Variants in PLXNA2 observed in about 807,000 individuals in gnomAD.
PLXNA2 encodes the protein plexin-A2.
In PLXNA2, 91 loss-of-function variants were observed where a neutral mutation model predicts 193.5. The ratio of observed to expected loss-of-function variants is 0.47; its 90% CI spans 0.40 to 0.56. PLXNA2 has a LOEUF of 0.56. Among genes scored for constraint, PLXNA2 ranks in the 20% least tolerant of loss-of-function variants. The pLI is 0.00. For synonymous variants in PLXNA2, 997 were observed against 1,027.3 expected (o/e 0.97, Z 0.56); for missense variants, 1,995 against 2,503.2 (o/e 0.80, Z 4.33).
intron 12 of PLXNA2, among the ~76,000 whole-genome samples, chr1:208,073,766 T>A (rs1666046139): frequency 6.8e-6 from 1 of 146,248 alleles, no homozygotes; most frequent in East Asian, 2.0e-4. Flanking sequence ...GGTCTTTATT[T>A]AAAAAAAAAA....
intron 27 of PLXNA2, among the ~76,000 whole-genome samples, chr1:208,034,144 C>T (rs747019379): frequency 1.4e-4 from 21 of 152,244 alleles, no homozygotes; most frequent in Non-Finnish European, 2.9e-4. Context: ...TAAAAGGGGG[C>T]ACTCTTAATA....
chr1:208,113,546 C>CTCTT (rs776758459), intron 4 of PLXNA2, among the ~76,000 whole-genome samples: 1 of 105,712 alleles, frequency 9.5e-6, no homozygotes, highest in Non-Finnish European at 1.8e-5. Flanking sequence ...CTCTCTCTCT[C>CTCTT]TTTTTTTTTT....
chr1:208,045,044 T>G (rs1168571044), intron 19 of PLXNA2, 23 bp downstream of exon 19: 2 of 1,613,694 alleles, frequency 1.2e-6, no homozygotes, highest in Non-Finnish European at 1.7e-6. Flanking sequence ...GAAGGAGGCA[T>G]TACAGACGCA....
chr1:208,200,577 C>CTTTTTT lies in PLXNA2; in HGVS notation c.1371+9697_1371+9702dup, dbSNP rs36026400. Among the ~76,000 whole-genome samples, 39 of 113,992 alleles carry CTTTTTT rather than the reference C, an allele frequency of 3.4e-4. 1 individual carries two copies. The highest frequency in any genetic ancestry group is 3.2e-3 in the East Asian group (11 of 3,442). 74.8% of individuals were successfully genotyped at this position (113,992 alleles called of 152,430 possible). A position where few individuals can be genotyped will look rare whatever the true frequency, so the allele number is the denominator to read the frequency against. The stretch of plus-strand genomic sequence containing the variant: ...AGAGCAGTGAAATATCCCAATCCTT[C>CTTTTTT]TTTTTTTTTTTTTTTTTTTTTTTCT... On this transcript the variant is annotated intron_variant, in intron 3 of 31. Coordinates refer to ENST00000367033, the MANE Select transcript of PLXNA2 (RefSeq NM_025179.4).
Position 208,051,433 on chromosome 1 carries a change from A to C in PLXNA2, c.2994-10T>G, listed in dbSNP as rs1665258305. The C allele has an allele frequency of 6.2e-7, 1 of 1,603,758 alleles. No homozygotes were observed. Among genetic ancestry groups the C allele is most frequent in the African/African-American group, 1.3e-5 (1 of 74,328 alleles). On this transcript the variant is annotated splice_polypyrimidine_tract_variant and intron_variant, in intron 15 of 31. Transcript: ENST00000367033. ...CTCACTCATTGACCTCCTGACAGGG[A>C]GACAGCAGGAGGGTTGAGAAGAAAG... is the stretch of plus-strand genomic sequence containing the variant.
intron 3 of PLXNA2, among the ~76,000 whole-genome samples, chr1:208,199,989 C>T (rs1307785677): frequency 1.3e-5 from 2 of 152,248 alleles, no homozygotes; most frequent in Admixed American, 1.3e-4. Context: ...ATCTTATCCC[C>T]TGGGGGCCTT....
intron 29 of PLXNA2, chr1:208,029,909 T>C: frequency 3.0e-6 from 3 of 985,554 alleles, no homozygotes; most frequent in Non-Finnish European, 3.6e-6. Flanking sequence ...TTAACTCTTT[T>C]GACTCCTCTG....
chr1:208,187,335 A>G (rs1670040811), intron 3 of PLXNA2, among the ~76,000 whole-genome samples: 1 of 152,172 alleles, frequency 6.6e-6, no homozygotes, highest in Non-Finnish European at 1.5e-5. Context: ...GGGTTATGTC[A>G]TGGACCAGCA....
chr1:208,042,511 C>T (rs1664905591), intron 21 of PLXNA2, 145 bp from the exon 22 acceptor site: 1 of 777,844 alleles, frequency 1.3e-6, no homozygotes, highest in Non-Finnish European at 2.1e-6. Context: ...CCCCATTCCA[C>T]TCACCCGTGA....
At chr1:208,112,606 C>T (rs1281087109) in intron 4 of PLXNA2, among the ~76,000 whole-genome samples, 1 of 152,130 alleles carries the variant, frequency 6.6e-6, no homozygotes, top group Non-Finnish European at 1.5e-5. Flanking sequence ...TGCAGAGGGC[C>T]CTGGCTTTGC....
chr1:208,092,087 A>G (rs1351362713), intron 9 of PLXNA2, among the ~76,000 whole-genome samples: 1 of 152,242 alleles, frequency 6.6e-6, no homozygotes, highest in Non-Finnish European at 1.5e-5. Flanking sequence ...AGCAGGCTTC[A>G]CTGTCCTGAG....
rs375899990 is a variant in PLXNA2, at chr1:208,099,422, A to G, written c.1608-453T>C. ...TCTGCTTGGAGTATGTCTTATGTAA[A>G]TGAAGAGGATGAAGTAAAGTTACAA... On this transcript the variant is annotated intron_variant, in intron 5 of 31. Transcript: ENST00000367033. Among the ~76,000 whole-genome samples the G allele has an allele frequency of 1.6e-4, 24 of 152,304 alleles. No homozygotes were observed. The East Asian group carries it at 3.9e-3, about 25-fold the overall frequency.
intron 12 of PLXNA2, among the ~76,000 whole-genome samples, chr1:208,077,338 C>T (rs1359752276): frequency 6.6e-6 from 1 of 152,142 alleles, no homozygotes; most frequent in Non-Finnish European, 1.5e-5. Flanking sequence ...TAATTAGCCT[C>T]GCGTAGCCTG....
chr1:208,093,280 C>A (rs1666772251), intron 8 of PLXNA2, among the ~76,000 whole-genome samples: 1 of 152,176 alleles, frequency 6.6e-6, no homozygotes, highest in Non-Finnish European at 1.5e-5. Flanking sequence ...ACTAGGTTTT[C>A]TTCTGAATGC....
intron 6 of PLXNA2, among the ~76,000 whole-genome samples, chr1:208,097,185 C>G (rs1412172725): frequency 6.6e-6 from 1 of 152,160 alleles, no homozygotes; most frequent in African/African-American, 2.4e-5. Context: ...TCCATCTAAG[C>G]CCCTGTTCAT....
chr1:208,203,748 C>G (rs1670625751), intron 3 of PLXNA2, among the ~76,000 whole-genome samples: 3 of 140,560 alleles, frequency 2.1e-5, no homozygotes, highest in Non-Finnish European at 4.6e-5. Flanking sequence ...ATAGCTACAG[C>G]TCAGTTTCCT....
chr1:208,084,595 G>T lies in PLXNA2; in HGVS notation c.2098-15C>A. 1.9e-6 allele frequency: 3 copies of T among 1,612,310 alleles called. No homozygotes were observed. Among genetic ancestry groups the T allele is most frequent in the Non-Finnish European group, 2.5e-6 (3 of 1,178,664 alleles). ...TGGGGACAGTCCTGGGGGAACAAAC[G>T]AAGAGGCTCCATCTGTCCCCTGTTC... On this transcript the variant is annotated splice_polypyrimidine_tract_variant and intron_variant, in intron 9 of 31. Transcript: ENST00000367033.
rs773160280 is a variant in PLXNA2, at chr1:208,051,334, T to C, written c.3083A>G (p.His1028Arg). 1 of 1,613,788 alleles carries C rather than the reference T, an allele frequency of 6.2e-7. No homozygotes were observed. Among genetic ancestry groups the C allele is most frequent in the Non-Finnish European group, 8.5e-7 (1 of 1,179,926 alleles). ...CTCAAACTGCAGGTTGCTATCCACA[T>C]GGGCTCGGTCGACACTCACAGAAAC... ...VPVSVSVDRA[H>R]VDSNLQFEYI... Residue 1028 changes from histidine to arginine, a missense_variant, in exon 16 of 32, where the codon CAT (histidine) becomes CGT (arginine). Physicochemically the swap from His to Arg is conservative, Grantham distance 29. Around this residue, in one of 3 missense-constraint regions of PLXNA2, gnomAD observed 1,291 missense variants for 1,673.6 expected, o/e 0.77. Transcript: ENST00000367033.
chr1:208,120,958 G>A lies in PLXNA2; in HGVS notation c.1507-17711C>T, dbSNP rs115973789. Among the ~76,000 whole-genome samples, 1,118 of 152,300 alleles carry A rather than the reference G, an allele frequency of 7.3e-3. 13 individuals carry two copies. The highest frequency in any genetic ancestry group is 0.025 in the African/African-American group (1,057 of 41,542). ...AAAACGCCATAAACCAAAGCAGAGA[G>A]AATGAGCTATGGGTGTGCACTGGGG... On this transcript the variant is annotated intron_variant, in intron 4 of 31. Coordinates refer to ENST00000367033, the MANE Select transcript of PLXNA2 (RefSeq NM_025179.4).
Sources: allele counts gnomAD v4.1 joint callset (sites outside exome capture counted in the v4.1 genomes callset), GRCh38; gene constraint gnomAD v4.1.1; regional missense constraint gnomAD v4.1.1; transcripts MANE v1.5; gene names NCBI Gene and HGNC (gene_info 2026-07-23, HGNC 2026-07-21).